The following RALY variants were observed in gnomAD, a reference collection of about 807,000 sequenced individuals.
RALY encodes the protein RNA-binding protein Raly.
A neutral mutation model predicts 30.7 loss-of-function variants in RALY; 15 were observed. That is an observed-to-expected ratio of 0.49 (90% CI 0.33 to 0.75). The LOEUF (loss-of-function observed/expected upper bound fraction) is 0.75. RALY is among the 30% of genes least tolerant of loss of function. RALY has a pLI of 0.02. For synonymous variants in RALY, 177 were observed against 170.8 expected, an observed-to-expected ratio of 1.04 and a Z score of -0.28; for missense variants, 339 against 414.3, an observed-to-expected ratio of 0.82 and a Z score of 1.58.
chr20:34,045,283 A>G (rs948500858), intron 2 of RALY, among the ~76,000 whole-genome samples: 3 of 152,354 alleles, frequency 2.0e-5, no homozygotes, highest in African/African-American at 7.2e-5. Context: ...TATATGCATT[A>G]TGAAGAAAGA....
At chr20:34,070,393 C>T (rs2033693288) in intron 2 of RALY, among the ~76,000 whole-genome samples, 1 of 152,078 alleles carries the variant, frequency 6.6e-6, no homozygotes, top group Non-Finnish European at 1.5e-5. Flanking sequence ...CTATGCCCAG[C>T]CGTAAACTGT....
intron 2 of RALY, among the ~76,000 whole-genome samples, chr20:34,063,489 G>A (rs1206310976): frequency 6.6e-6 from 1 of 152,204 alleles, no homozygotes; most frequent in East Asian, 1.9e-4. Context: ...TCTGTAGAGT[G>A]CAGATGATAC....
rs1568700984 is a variant in RALY at position 34,077,107 on chromosome 20, TGGC to T, written c.741_743del (p.Gly251del). On this transcript the variant is annotated inframe_deletion, in exon 8 of 10. Coordinates refer to ENST00000246194, the MANE Select transcript of RALY (RefSeq NM_016732.3). Reference sequence around the variant, plus strand: ...GCAGCGGTGGCGGTGGCAGTGGTGGTGGCGGTGGCGGTGGCAGCAGCCGGCCAC... The same window carrying T: ...GCAGCGGTGGCGGTGGCAGTGGTGGTGGTGGCGGTGGCAGCAGCCGGCCAC... The T allele has an allele frequency of 6.3e-7, 1 of 1,597,354 alleles. No homozygotes were observed. Among genetic ancestry groups the T allele is most frequent in the Admixed American group, 1.7e-5 (1 of 58,924 alleles).
intron 1 of RALY, among the ~76,000 whole-genome samples, chr20:34,008,771 G>A (rs1039739553): frequency 2.0e-5 from 3 of 152,116 alleles, no homozygotes; most frequent in African/African-American, 7.2e-5. Context: ...CTATCCTCAC[G>A]CCTCAGTCTC....
chr20:34,058,881 G>T (rs1010367273), intron 2 of RALY, among the ~76,000 whole-genome samples: 1 of 152,186 alleles, frequency 6.6e-6, no homozygotes, highest in Admixed American at 6.5e-5. Flanking sequence ...ATTCTTTATG[G>T]TGGGAAGCCC....
chr20:34,042,899 A>G (rs915052053), intron 2 of RALY, among the ~76,000 whole-genome samples: 3 of 152,246 alleles, frequency 2.0e-5, no homozygotes, highest in African/African-American at 7.2e-5. Flanking sequence ...TTCATAGTAA[A>G]CAATGTGTCT....
At chr20:34,074,874 G>A (rs2033830687) in intron 5 of RALY, among the ~76,000 whole-genome samples, 2 of 152,188 alleles carry the variant, frequency 1.3e-5, no homozygotes. Context: ...CCTCCAGGAA[G>A]GGGCTCCCTG....
chr20:34,038,442 T>TG (rs2032580541), intron 2 of RALY, among the ~76,000 whole-genome samples: 1 of 152,098 alleles, frequency 6.6e-6, no homozygotes, highest in Admixed American at 6.5e-5. Context: ...TGGGACAGAT[T>TG]GGGGGGTGCT....
chr20:34,059,353 C>T (rs1229221274), intron 2 of RALY, among the ~76,000 whole-genome samples: 4 of 152,166 alleles, frequency 2.6e-5, no homozygotes, highest in African/African-American at 9.7e-5. Flanking sequence ...GTGCACCATC[C>T]AGCCCTTGCT....
intron 2 of RALY, among the ~76,000 whole-genome samples, chr20:34,068,751 AC>A (rs1337330820): frequency 6.6e-6 from 1 of 152,114 alleles, no homozygotes; most frequent in Non-Finnish European, 1.5e-5. Flanking sequence ...GTTCAGGGAG[AC>A]CTAGCCTGGC....
chr20:33,997,217 G>A (rs1028895496), intron 1 of RALY, among the ~76,000 whole-genome samples: 2 of 152,136 alleles, frequency 1.3e-5, no homozygotes, highest in African/African-American at 2.4e-5. Flanking sequence ...CTGGGTTCAA[G>A]GGATCTCTTG....
intron 1 of RALY, among the ~76,000 whole-genome samples, chr20:33,996,753 A>C (rs909990998): frequency 1.1e-4 from 17 of 152,062 alleles, no homozygotes; most frequent in African/African-American, 4.1e-4. Flanking sequence ...ATCTTCCCCA[A>C]CTGAAATTCT....
At chr20:34,078,967 A>G (rs750422397) in intron 9 of RALY, among the ~76,000 whole-genome samples, 5 of 152,196 alleles carry the variant, frequency 3.3e-5, no homozygotes, top group African/African-American at 4.8e-5. Context: ...TGAGGGAGCA[A>G]TGTTCCACAC....
intron 1 of RALY, among the ~76,000 whole-genome samples, chr20:34,015,461 C>T (rs928566763): frequency 6.6e-6 from 1 of 152,032 alleles, no homozygotes; most frequent in Non-Finnish European, 1.5e-5. Context: ...AAATCCAAGT[C>T]TTTGGGTGGA....
intron 1 of RALY, among the ~76,000 whole-genome samples, chr20:34,014,414 G>A (rs932194786): frequency 2.6e-5 from 4 of 152,170 alleles, no homozygotes; most frequent in African/African-American, 9.7e-5. Flanking sequence ...TGAATGTAGA[G>A]TTTGTTTTTG....
chr20:33,994,106 G>C lies in RALY; in HGVS notation c.-118G>C, dbSNP rs909610360. ...AGTACCGCCTCCTTCCCAGCCGCGC[G>C]GCTTCCTCCAGACCTCTCGGCGCGG... On this transcript the variant is annotated 5_prime_UTR_variant, in exon 1 of 10. Transcript: ENST00000246194. 2 of 152,512 alleles carry C rather than the reference G, an allele frequency of 1.3e-5. No individual in the cohort carries two copies. The highest frequency in any genetic ancestry group is 2.1e-4 in the South Asian group (1 of 4,832). The allele number at this position is 152,512 out of a possible 1,614,324, so 9.4% of individuals were successfully genotyped here.
chr20:34,044,558 G>T (rs2032813624), intron 2 of RALY, among the ~76,000 whole-genome samples: 1 of 152,126 alleles, frequency 6.6e-6, no homozygotes, highest in African/African-American at 2.4e-5. Context: ...CACTTTAGGT[G>T]ATCGGCCGAC....
intron 2 of RALY, among the ~76,000 whole-genome samples, chr20:34,054,936 G>A (rs1015295345): frequency 1.3e-5 from 2 of 152,064 alleles, no homozygotes; most frequent in African/African-American, 4.8e-5. Flanking sequence ...TGTTAAATGG[G>A]GGCAATAGTA....
chr20:33,996,808 T>C (rs897659396), intron 1 of RALY, among the ~76,000 whole-genome samples: 1 of 152,162 alleles, frequency 6.6e-6, no homozygotes, highest in African/African-American at 2.4e-5. Context: ...CTCCAGCCCC[T>C]GAAAACTATC....
Sources: gnomAD v4.1 joint callset for allele counts (sites outside exome capture counted in the v4.1 genomes callset) on GRCh38, gnomAD v4.1.1 for gene constraint, MANE v1.5 for transcripts, NCBI Gene and HGNC (gene_info 2026-07-23, HGNC 2026-07-21) for gene names.